Variants in BNC2 observed in about 807,000 individuals in gnomAD.
BNC2 encodes basonuclin zinc finger protein 2, also known as zinc finger protein basonuclin-2.
Under a neutral mutation model 76.3 loss-of-function variants are expected in BNC2, and 20 were observed. The ratio of observed to expected loss-of-function variants is 0.26; its 90% CI spans 0.18 to 0.38. The LOEUF is 0.38. BNC2 is among the 10% of genes least tolerant of loss of function. BNC2 has a pLI of 1.00. For missense variants in BNC2, 1,382 were observed against 1,399.8 expected (o/e 0.99, Z 0.20); for synonymous variants, 582 against 514.8 (o/e 1.13, Z -1.77).
intron 5 of BNC2, among the ~76,000 whole-genome samples, chr9:16,519,609 A>G (rs1305047475): frequency 6.6e-6 from 1 of 152,220 alleles, no homozygotes. Context: ...AAGGCTGTCC[A>G]AGGCTGCCAT....
At chr9:16,843,369 G>A (rs1006553640) in intron 1 of BNC2, among the ~76,000 whole-genome samples, 4 of 152,188 alleles carry the variant, frequency 2.6e-5, no homozygotes, top group Admixed American at 6.5e-5. Context: ...TTGCTCTGTC[G>A]CCTAGGCTGG....
chr9:16,867,007 A>C (rs1338023710), intron 1 of BNC2, among the ~76,000 whole-genome samples: 1 of 152,200 alleles, frequency 6.6e-6, no homozygotes, highest in Non-Finnish European at 1.5e-5. Flanking sequence ...TCAAGTTAAG[A>C]ATCTATAAAC....
intron 1 of BNC2, among the ~76,000 whole-genome samples, chr9:16,810,099 T>C (rs187949718): frequency 6.6e-6 from 1 of 152,250 alleles, no homozygotes; most frequent in Non-Finnish European, 1.5e-5. Context: ...TACTTAAAAA[T>C]CTGTAATGCA....
chr9:16,631,666 G>C (rs1014895321), intron 3 of BNC2, among the ~76,000 whole-genome samples: 1 of 152,134 alleles, frequency 6.6e-6, no homozygotes, highest in African/African-American at 2.4e-5. Flanking sequence ...GCCTACCATC[G>C]TGTCCAATGT....
At chr9:16,688,391 A>C (rs1000124068) in intron 3 of BNC2, among the ~76,000 whole-genome samples, 2 of 152,222 alleles carry the variant, frequency 1.3e-5, no homozygotes, top group Non-Finnish European at 2.9e-5. Context: ...GAAAAATCAG[A>C]TATCAATTGT....
chr9:16,496,593 T>A (rs1345839097), intron 5 of BNC2, among the ~76,000 whole-genome samples: 1 of 152,230 alleles, frequency 6.6e-6, no homozygotes, highest in South Asian at 2.1e-4. Context: ...GGTTTAAATC[T>A]AGGATTCTTA....
intron 3 of BNC2, among the ~76,000 whole-genome samples, chr9:16,624,069 T>G (rs970862862): frequency 2.0e-5 from 3 of 152,216 alleles, no homozygotes; most frequent in Non-Finnish European, 4.4e-5. Context: ...ACTTCAAAAC[T>G]CTAAACTACA....
intron 1 of BNC2, among the ~76,000 whole-genome samples, chr9:16,827,965 T>A (rs1042254908): frequency 6.6e-6 from 1 of 152,214 alleles, no homozygotes; most frequent in Non-Finnish European, 1.5e-5. Context: ...TGGCAGTGCT[T>A]TATAGAATTA....
intron 4 of BNC2, among the ~76,000 whole-genome samples, chr9:16,561,125 G>C (rs545734668): frequency 2.0e-5 from 3 of 152,058 alleles, no homozygotes; most frequent in Non-Finnish European, 4.4e-5. Flanking sequence ...TGTAATCCCA[G>C]CTACTCAGGA....
chr9:16,740,997 A>G (rs1055764186), intron 1 of BNC2, among the ~76,000 whole-genome samples: 1 of 152,238 alleles, frequency 6.6e-6, no homozygotes, highest in African/African-American at 2.4e-5. Context: ...ACACTTCTTA[A>G]AAGAGACAGA....
intron 3 of BNC2, among the ~76,000 whole-genome samples, chr9:16,700,684 G>T (rs1415721307): frequency 6.6e-6 from 1 of 152,022 alleles, no homozygotes; most frequent in Non-Finnish European, 1.5e-5. Flanking sequence ...TAGCAGTCAG[G>T]TGCAGTGGCT....
chr9:16,519,844 G>C (rs1235557785), intron 5 of BNC2, among the ~76,000 whole-genome samples: 1 of 152,200 alleles, frequency 6.6e-6, no homozygotes, highest in African/African-American at 2.4e-5. Context: ...CAACACCAAA[G>C]ACTGTGTTTG....
chr9:16,693,628 A>T (rs1823249104), intron 3 of BNC2, among the ~76,000 whole-genome samples: 2 of 152,240 alleles, frequency 1.3e-5, no homozygotes, highest in Non-Finnish European at 2.9e-5. Flanking sequence ...TACAGATCAT[A>T]ACTTAGTTTT....
At chr9:16,849,451 C>G (rs960602360) in intron 1 of BNC2, among the ~76,000 whole-genome samples, 1 of 150,750 alleles carries the variant, frequency 6.6e-6, no homozygotes, top group African/African-American at 2.4e-5. Context: ...CTCCACCTCC[C>G]AAGTTCAAGC....
At chr9:16,604,665 C>T (rs1239320571) in intron 3 of BNC2, among the ~76,000 whole-genome samples, 2 of 151,766 alleles carry the variant, frequency 1.3e-5, no homozygotes, top group East Asian at 1.9e-4. Flanking sequence ...ATTAGCCGGG[C>T]GTGGTGGTGG....
intron 5 of BNC2, among the ~76,000 whole-genome samples, chr9:16,496,830 C>T (rs746370470): frequency 2.0e-5 from 3 of 152,118 alleles, no homozygotes; most frequent in Non-Finnish European, 2.9e-5. Flanking sequence ...CTATTCAAGC[C>T]GATGCTGTAT....
chr9:16,822,092 C>CAAAAAAA (rs531393812), intron 1 of BNC2, among the ~76,000 whole-genome samples: 2 of 32,630 alleles, frequency 6.1e-5, no homozygotes, highest in Non-Finnish European at 1.2e-4. Context: ...GACTCCATCT[C>CAAAAAAA]AAAAAAAAAA....
At chr9:16,679,883 A>C (rs1304362227) in intron 3 of BNC2, among the ~76,000 whole-genome samples, 1 of 152,242 alleles carries the variant, frequency 6.6e-6, no homozygotes, top group Non-Finnish European at 1.5e-5. Flanking sequence ...ACCTTCCACC[A>C]CTGGTATCCA....
At chr9:16,421,269 C>T (rs1171684976) in intron 6 of BNC2, 8 of 1,300,010 alleles carry the variant, frequency 6.2e-6, no homozygotes, top group South Asian at 1.2e-5. Flanking sequence ...TACCTTGTGA[C>T]AATAAGATCA....
Sources: allele counts gnomAD v4.1 joint callset (sites outside exome capture counted in the v4.1 genomes callset), GRCh38; gene constraint gnomAD v4.1.1; transcripts MANE v1.5; gene names NCBI Gene and HGNC (gene_info 2026-07-23, HGNC 2026-07-21).